The following ANO3 variants were observed in gnomAD, a reference collection of about 807,000 sequenced individuals.
ANO3 encodes anoctamin-3.
ANO3 carries 99 observed loss-of-function variants against 144.8 expected under a neutral mutation model. The ratio of observed to expected loss-of-function variants is 0.68; its 90% CI spans 0.58 to 0.81. ANO3 has a LOEUF of 0.81. Among genes scored for constraint, ANO3 ranks in the 30% least tolerant of loss-of-function variants. The pLI is 0.00. For missense variants in ANO3, 905 were observed against 1,202.2 expected (o/e 0.75, Z 3.66); for synonymous variants, 414 against 392.6 (o/e 1.05, Z -0.64).
intron 1 of ANO3, among the ~76,000 whole-genome samples, chr11:26,372,187 G>T (rs1345626800): frequency 6.6e-6 from 1 of 152,124 alleles, no homozygotes; most frequent in South Asian, 2.1e-4. Flanking sequence ...CAATTATCAT[G>T]GGATCGGATG....
chr11:26,498,483 T>C (rs888949551), intron 4 of ANO3, among the ~76,000 whole-genome samples: 19 of 150,988 alleles, frequency 1.3e-4, no homozygotes, highest in Middle Eastern at 3.2e-3. Context: ...GTCTTTTAAA[T>C]TGTTATTATG....
chr11:26,371,705 G>T (rs1268697916), intron 1 of ANO3, among the ~76,000 whole-genome samples: 3 of 152,214 alleles, frequency 2.0e-5, no homozygotes, highest in Non-Finnish European at 4.4e-5. Flanking sequence ...GGAGTCAAAG[G>T]AGACTATTTT....
intron 14 of ANO3, among the ~76,000 whole-genome samples, chr11:26,595,639 G>A (rs1341585728): frequency 1.3e-5 from 2 of 151,968 alleles, no homozygotes; most frequent in Admixed American, 6.6e-5. Flanking sequence ...TCACCCGGGA[G>A]GAACCATCTG....
chr11:26,351,859 A>G (rs1172360291), intron 1 of ANO3, among the ~76,000 whole-genome samples: 4 of 152,192 alleles, frequency 2.6e-5, no homozygotes, highest in African/African-American at 7.2e-5. Context: ...ACAGGATCCT[A>G]GTTTGACCGC....
chr11:26,369,644 T>A (rs1856193858), intron 1 of ANO3, among the ~76,000 whole-genome samples: 2 of 152,244 alleles, frequency 1.3e-5, no homozygotes, highest in Admixed American at 1.3e-4. Context: ...CTGATTTTGT[T>A]AACAATACCA....
At chr11:26,501,632 G>C (rs1024206650) in intron 4 of ANO3, among the ~76,000 whole-genome samples, 5 of 152,132 alleles carry the variant, frequency 3.3e-5, no homozygotes, top group African/African-American at 9.7e-5. Flanking sequence ...AAGACTTGCA[G>C]GACACCATAA....
At chr11:26,333,382 T>C (rs1206369258) in intron 1 of ANO3, among the ~76,000 whole-genome samples, 5 of 151,626 alleles carry the variant, frequency 3.3e-5, no homozygotes, top group African/African-American at 7.3e-5. Context: ...CCCAGGTTCA[T>C]GCCATTATCC....
chr11:26,259,213 AAT>A (rs1272162491), intron 1 of ANO3, among the ~76,000 whole-genome samples: 16 of 152,162 alleles, frequency 1.1e-4, no homozygotes, highest in Admixed American at 1.0e-3. Flanking sequence ...TGAATATAGA[AAT>A]AGATTGAATA....
intron 4 of ANO3, among the ~76,000 whole-genome samples, chr11:26,463,534 C>T (rs1398289741): frequency 1.3e-5 from 2 of 151,202 alleles, no homozygotes; most frequent in African/African-American, 4.9e-5. Context: ...TAATTAAACT[C>T]ACTGAGAATT....
intron 1 of ANO3, among the ~76,000 whole-genome samples, chr11:26,271,120 T>C (rs1853430619): frequency 1.3e-5 from 2 of 152,228 alleles, no homozygotes; most frequent in Non-Finnish European, 2.9e-5. Flanking sequence ...ATTGCCCTTC[T>C]GAAAAGATAA....
At chr11:26,301,997 G>A (rs927217918) in intron 1 of ANO3, among the ~76,000 whole-genome samples, 5 of 152,172 alleles carry the variant, frequency 3.3e-5, no homozygotes, top group African/African-American at 7.2e-5. Context: ...AAGTAGGGGA[G>A]AGACTGGTGA....
In ANO3 at chr11:26,530,419, T is replaced by TA. The variant is rs11350964; in HGVS notation, c.738-778dup. Among the ~76,000 whole-genome samples, 516 of 151,598 alleles carry TA rather than the reference T, an allele frequency of 3.4e-3. 6 individuals carry two copies. Among genetic ancestry groups the TA allele is most frequent in the African/African-American group, 0.012 (487 of 41,244 alleles). On this transcript the variant is annotated intron_variant, in intron 7 of 26. Transcript: ENST00000256737. ...TCTAGAGCCACAAAGCTGTTTGTTT[T>TA]AAAAAAAAGCAGGGATTAATATCTA...
intron 1 of ANO3, among the ~76,000 whole-genome samples, chr11:26,335,859 G>T (rs1435062660): frequency 1.3e-5 from 2 of 152,076 alleles, no homozygotes; most frequent in Admixed American, 6.6e-5. Context: ...TTGTTTTTTG[G>T]CAGTGCCAGT....
At chr11:26,435,117 A>AATATTTAGG (rs1329975780) in intron 1 of ANO3, among the ~76,000 whole-genome samples, 7 of 152,172 alleles carry the variant, frequency 4.6e-5, no homozygotes, top group African/African-American at 1.7e-4. Context: ...TGGGTGCATA[A>AATATTTAGG]ATATTTAGGA....
intron 1 of ANO3, among the ~76,000 whole-genome samples, chr11:26,336,389 T>C (rs1855193503): frequency 6.6e-6 from 1 of 152,258 alleles, no homozygotes; most frequent in African/African-American, 2.4e-5. Flanking sequence ...AAAGGACATT[T>C]GGTTAAAACA....
intron 1 of ANO3, among the ~76,000 whole-genome samples, chr11:26,312,825 G>T (rs1275047121): frequency 6.6e-6 from 1 of 152,110 alleles, no homozygotes; most frequent in Non-Finnish European, 1.5e-5. Context: ...CTTTTGCTGT[G>T]CAGAGGCTCT....
intron 1 of ANO3, among the ~76,000 whole-genome samples, chr11:26,346,652 C>G (rs1855502690): frequency 6.6e-6 from 1 of 152,130 alleles, no homozygotes; most frequent in South Asian, 2.1e-4. Context: ...TACCCAAAGC[C>G]CAGTGCTTTT....
intron 1 of ANO3, among the ~76,000 whole-genome samples, chr11:26,234,577 G>T (rs1852474265): frequency 6.6e-6 from 1 of 152,156 alleles, no homozygotes; most frequent in African/African-American, 2.4e-5. Context: ...AGAAGGTACA[G>T]ACTAAAATAG....
At chr11:26,563,387 TTCTC>T (rs768122711) in intron 14 of ANO3, 76 of 889,780 alleles carry the variant, frequency 8.5e-5, no homozygotes, top group African/African-American at 3.7e-4. Flanking sequence ...AATGGTGTGT[TTCTC>T]TCTCTGTGTG....
Sources: gnomAD v4.1 joint callset for allele counts (sites outside exome capture counted in the v4.1 genomes callset) on GRCh38, gnomAD v4.1.1 for gene constraint, MANE v1.5 for transcripts, NCBI Gene and HGNC (gene_info 2026-07-23, HGNC 2026-07-21) for gene names.